Variants in E2F3 observed in about 807,000 individuals in gnomAD.
E2F3 encodes E2F transcription factor 3, also known as transcription factor E2F3.
In E2F3, 11 loss-of-function variants were observed where a neutral mutation model predicts 44.4. The ratio of observed to expected loss-of-function variants is 0.25; its 90% CI spans 0.16 to 0.41. E2F3 has a LOEUF of 0.41. Among genes scored for constraint, E2F3 ranks in the 10% least tolerant of loss-of-function variants. E2F3 has a pLI of 1.00. For synonymous variants in E2F3, 249 were observed against 253.0 expected (o/e 0.98, Z 0.15); for missense variants, 487 against 583.6 (o/e 0.83, Z 1.70).
chr6:20,459,916 C>T (rs1445505589), intron 1 of E2F3, among the ~76,000 whole-genome samples: 1 of 152,296 alleles, frequency 6.6e-6, no homozygotes, highest in African/African-American at 2.4e-5. Context: ...GCCTGGGCAA[C>T]AGAGCAAGAC....
intron 1 of E2F3, among the ~76,000 whole-genome samples, chr6:20,440,485 T>C (rs1408745908): frequency 6.6e-6 from 1 of 152,178 alleles, no homozygotes; most frequent in Non-Finnish European, 1.5e-5. Context: ...TTAGAGTGAA[T>C]GATTCACGAT....
intron 1 of E2F3, among the ~76,000 whole-genome samples, chr6:20,406,831 T>C (rs571552826): frequency 1.3e-5 from 2 of 152,284 alleles, no homozygotes; most frequent in South Asian, 4.1e-4. Context: ...ACAAATTCCA[T>C]CTTAGTTGGT....
rs898073415 is a variant in E2F3 at position 20,403,686 on chromosome 6, C to G, written c.393+1061C>G. ...CTCGCACCCGCCCCCGGCACCGCCACCCTCCCTCTCCTCTCCCCACCCCCC... is the reference window on the plus strand; with the variant it reads ...CTCGCACCCGCCCCCGGCACCGCCAGCCTCCCTCTCCTCTCCCCACCCCCC... On this transcript the variant is annotated intron_variant, in intron 1 of 6. Coordinates refer to ENST00000346618, the MANE Select transcript of E2F3 (RefSeq NM_001949.5). 2.6e-5 allele frequency: 15 copies of G among 568,764 alleles called. No individual in the cohort carries two copies. The African/African-American group carries it at 3.0e-4, about 11-fold the overall frequency. 35.2% of individuals were successfully genotyped at this position (568,764 alleles called of 1,614,324 possible).
chr6:20,402,408 A>G lies in E2F3; in HGVS notation c.176A>G (p.Gln59Arg). Reference sequence around the variant, plus strand: ...GCCGCCGCCCCGGGCGCGTACATCCAGATCCTCACCACGAACACTTCCACC... The same window carrying G: ...GCCGCCGCCCCGGGCGCGTACATCCGGATCCTCACCACGAACACTTCCACC... The part of the protein sequence containing the change: ...AAAAAPGAYI[Q>R]ILTTNTSTTS... The change falls in exon 1 of 7, where the codon CAG (glutamine) becomes CGG (arginine). Residue 59 changes from glutamine (Q) to arginine (R), a missense_variant. Gln to Arg is a conservative substitution (Grantham distance 43, BLOSUM62 1). This residue lies in a region of E2F3 where 238 missense variants were observed against 236.0 expected (regional missense o/e 1.01). Coordinates refer to ENST00000346618, the MANE Select transcript of E2F3 (RefSeq NM_001949.5). This position sits in a 1 kb window ranked among gnomAD's most constrained non-coding sequence, Gnocchi z 5.6. 6.2e-7 allele frequency: 1 copy of G among 1,607,066 alleles called. No homozygotes were observed. The highest frequency in any genetic ancestry group is 8.5e-7 in the Non-Finnish European group (1 of 1,178,234).
chr6:20,440,251 A>G (rs979486558), intron 1 of E2F3: 1 of 152,252 alleles, frequency 6.6e-6, no homozygotes, highest in South Asian at 2.1e-4. Flanking sequence ...CCACAGGTAC[A>G]TGACTTCCAA....
intron 1 of E2F3, among the ~76,000 whole-genome samples, chr6:20,433,062 G>C (rs962399189): frequency 2.8e-4 from 43 of 152,072 alleles, no homozygotes; most frequent in Middle Eastern, 3.2e-3. Flanking sequence ...TCTTTTGTTT[G>C]CCTAGTGCCC....
intron 1 of E2F3, among the ~76,000 whole-genome samples, chr6:20,457,348 CTT>C (rs60238519): frequency 1.8e-5 from 2 of 109,508 alleles, no homozygotes; most frequent in African/African-American, 3.5e-5. Context: ...CTTATTTTTT[CTT>C]TTTTTTTTTT....
At chr6:20,436,384 C>T (rs1281152439) in intron 1 of E2F3, among the ~76,000 whole-genome samples, 1 of 152,016 alleles carries the variant, frequency 6.6e-6, no homozygotes, top group Non-Finnish European at 1.5e-5. Flanking sequence ...CCCTGGGCCA[C>T]GTTGGAAGAA....
At chr6:20,452,991 TTTTGTTTGTTTG>T (rs138463851) in intron 1 of E2F3, among the ~76,000 whole-genome samples, 6 of 151,048 alleles carry the variant, frequency 4.0e-5, no homozygotes, top group African/African-American at 7.3e-5. Flanking sequence ...GTTTCTTTCT[TTTTGTTTGTTTG>T]TTTGTTTGTT....
intron 1 of E2F3, among the ~76,000 whole-genome samples, chr6:20,454,795 G>T (rs373409628): frequency 4.6e-5 from 7 of 152,196 alleles, no homozygotes; most frequent in African/African-American, 1.7e-4. Flanking sequence ...AATGGTGCTT[G>T]TATTTGGCAG....
rs199708951 is a variant in E2F3 at position 20,428,225 on chromosome 6, A to AT, written c.393+25609dup. Among the ~76,000 whole-genome samples the AT allele has an allele frequency of 4.2e-3, 636 of 150,042 alleles. 2 individuals are homozygous for AT. Among genetic ancestry groups the AT allele is most frequent in the African/African-American group, 0.015 (596 of 40,444 alleles). On this transcript the variant is annotated intron_variant, in intron 1 of 6. Transcript: ENST00000346618. ...ACCCAAACTTCCTCTTTTATTTTTT[A>AT]TTTTTTTTTATTTTTTGAGATGGAT...
At chr6:20,407,519 C>T (rs976638191) in intron 1 of E2F3, among the ~76,000 whole-genome samples, 2 of 152,206 alleles carry the variant, frequency 1.3e-5, no homozygotes, top group Admixed American at 6.5e-5. Context: ...TAAGCCTAGA[C>T]GTGCATAAAT....
In E2F3 at chr6:20,402,608, G is replaced by A. The variant is rs1759343718; in HGVS notation, c.376G>A (p.Gly126Ser). The A allele has an allele frequency of 7.5e-7, 1 of 1,341,212 alleles. No individual in the cohort carries two copies. The allele number at this position is 1,341,212 out of a possible 1,614,324, so 83.1% of individuals were successfully genotyped here. A position where few individuals can be genotyped will look rare whatever the true frequency, so the allele number is the denominator to read the frequency against. Residue 126 changes from glycine (G) to serine (S), a missense_variant, in exon 1 of 7, where the codon GGC becomes AGC. This residue lies in a region of E2F3 where 238 missense variants were observed against 236.0 expected (regional missense o/e 1.01). Coordinates refer to ENST00000346618, the MANE Select transcript of E2F3 (RefSeq NM_001949.5). This position sits in a 1 kb window ranked among gnomAD's most constrained non-coding sequence, Gnocchi z 5.6. ...AGCGCTGGGACGCGGCGGCAGCGGC[G>A]GCGGCGGCGGCCCTCCGGTAATACC... is the stretch of plus-strand genomic sequence containing the variant. ...PPALGRGGSG[G>S]GGGPPAKRRL...
intron 1 of E2F3, among the ~76,000 whole-genome samples, chr6:20,464,937 A>T (rs535734127): frequency 6.6e-6 from 1 of 152,324 alleles, no homozygotes; most frequent in South Asian, 2.1e-4. Context: ...CCATTCCTAT[A>T]AATCATTTAG....
intron 1 of E2F3, among the ~76,000 whole-genome samples, chr6:20,428,590 G>A (rs1442294539): frequency 1.3e-5 from 2 of 152,230 alleles, no homozygotes; most frequent in East Asian, 3.9e-4. Context: ...GGAAGGGAGC[G>A]GCTGAATGAG....
At chr6:20,426,122 G>A (rs999412255) in intron 1 of E2F3, among the ~76,000 whole-genome samples, 2 of 152,144 alleles carry the variant, frequency 1.3e-5, no homozygotes, top group African/African-American at 2.4e-5. Context: ...ATAGTTGTGC[G>A]GAAATACTAC....
At chr6:20,488,398 G>T in intron 6 of E2F3, 150 bp downstream of exon 6, 1 of 1,030,622 alleles carries the variant, frequency 9.7e-7, no homozygotes, top group Non-Finnish European at 1.3e-6. Context: ...CTGGTTTGCA[G>T]AAGAAAATAA....
At chr6:20,466,121 G>A (rs968384119) in intron 1 of E2F3, among the ~76,000 whole-genome samples, 9 of 151,504 alleles carry the variant, frequency 5.9e-5, no homozygotes, top group African/African-American at 2.2e-4. Flanking sequence ...GGGGTGCGGG[G>A]CGGGGGGTGT....
chr6:20,445,082 C>T (rs1239696186), intron 1 of E2F3: 2 of 985,318 alleles, frequency 2.0e-6, no homozygotes, highest in African/African-American at 1.7e-5. Flanking sequence ...AGTTCCTCCT[C>T]AGTCGGGCTG....
Sources: allele counts gnomAD v4.1 joint callset (sites outside exome capture counted in the v4.1 genomes callset), GRCh38; gene constraint gnomAD v4.1.1; regional missense constraint gnomAD v4.1.1; non-coding constraint Gnocchi (gnomAD v3.1); transcripts MANE v1.5; gene names NCBI Gene and HGNC (gene_info 2026-07-23, HGNC 2026-07-21).